Variants in PPP2R3A observed in about 807,000 individuals in gnomAD.
PPP2R3A encodes the protein serine/threonine-protein phosphatase 2A regulatory subunit B'' subunit alpha.
In PPP2R3A, 80 loss-of-function variants were observed where a neutral mutation model predicts 106.9. The observed-to-expected ratio is 0.75, with a 90% CI of 0.62 to 0.90. The LOEUF is 0.90. PPP2R3A is among the 40% of genes least tolerant of loss of function. PPP2R3A has a pLI of 0.00. For missense variants in PPP2R3A, 1,386 were observed against 1,350.4 expected (o/e 1.03, Z -0.41); for synonymous variants, 483 against 468.3 (o/e 1.03, Z -0.41).
rs762045451 is a variant in PPP2R3A at position 136,002,189 on chromosome 3, A to G, written c.691A>G (p.Met231Val). ...TTTTTCTTCTGGGACAGACATAAAGATGTGCTTGGACATCTTATTGAAATG... is the reference window on the plus strand; with the variant it reads ...TTTTTCTTCTGGGACAGACATAAAGGTGTGCTTGGACATCTTATTGAAATG... ...DNFSSGTDIKMCLDILLKCSE... is the reference protein window; with the variant it reads ...DNFSSGTDIKVCLDILLKCSE... Residue 231 changes from methionine to valine, a missense_variant, in exon 2 of 14, where the codon ATG becomes GTG. Transcript: ENST00000264977. 37 of 1,613,434 alleles carry G rather than the reference A, an allele frequency of 2.3e-5. No individual in the cohort carries two copies. Among genetic ancestry groups the G allele is most frequent in the Non-Finnish European group, 3.4e-6 (4 of 1,179,804 alleles).
chr3:136,003,399 A>T lies in PPP2R3A; in HGVS notation c.1901A>T (p.Gln634Leu). Reference protein sequence around the residue: ...ILQETLTTSSQANLSVCRSPV... With the variant: ...ILQETLTTSSLANLSVCRSPV... ...CAGGAAACCTTGACAACTTCCTCCC[A>T]GGCCAATTTATCAGTCTGTAGAAGT... Residue 634 changes from glutamine (Q) to leucine (L), a missense_variant, in exon 2 of 14, where the codon CAG becomes CTG. Transcript: ENST00000264977. The T allele has an allele frequency of 6.2e-7, 1 of 1,614,008 alleles. No homozygotes were observed. Among genetic ancestry groups the T allele is most frequent in the East Asian group, 2.2e-5 (1 of 44,862 alleles).
intron 10 of PPP2R3A, among the ~76,000 whole-genome samples, chr3:136,099,917 TA>T (rs553102059): frequency 0.061 from 7,665 of 125,132 alleles, 245 homozygotes; most frequent in Non-Finnish European, 0.086. Flanking sequence ...TAACAGTTCT[TA>T]AAAAAAAAAA....
intron 7 of PPP2R3A, among the ~76,000 whole-genome samples, chr3:136,081,558 A>T (rs1005360539): frequency 6.6e-6 from 1 of 151,916 alleles, no homozygotes; most frequent in African/African-American, 2.4e-5. Flanking sequence ...ATTTTTTTAT[A>T]TTTCTTACAT....
intron 6 of PPP2R3A, among the ~76,000 whole-genome samples, chr3:136,071,022 C>T (rs532230685): frequency 6.6e-6 from 1 of 152,342 alleles, no homozygotes; most frequent in Admixed American, 6.5e-5. Flanking sequence ...TTGTGAGGAG[C>T]TCGCACTCCC....
chr3:136,137,411 C>T (rs543803695), intron 13 of PPP2R3A, among the ~76,000 whole-genome samples: 5 of 152,048 alleles, frequency 3.3e-5, no homozygotes, highest in African/African-American at 1.2e-4. Flanking sequence ...TGTTCTCAAG[C>T]AGTAACTCAC....
chr3:135,967,952 C>A (rs928382508), intron 1 of PPP2R3A, among the ~76,000 whole-genome samples: 13 of 152,208 alleles, frequency 8.5e-5, no homozygotes, highest in African/African-American at 2.9e-4. Context: ...ACTCCACACA[C>A]ACAGTTGTGA....
chr3:136,107,911 G>A (rs1335863636), intron 13 of PPP2R3A, among the ~76,000 whole-genome samples: 3 of 152,184 alleles, frequency 2.0e-5, no homozygotes, highest in Non-Finnish European at 4.4e-5. Context: ...CAATGCTGCA[G>A]TTAAGAATAT....
At chr3:135,989,854 T>C (rs918461783) in intron 1 of PPP2R3A, among the ~76,000 whole-genome samples, 4 of 152,182 alleles carry the variant, frequency 2.6e-5, no homozygotes, top group African/African-American at 9.6e-5. Flanking sequence ...GGCAATAAAC[T>C]ATAATCTTAC....
chr3:135,968,459 G>A (rs1398589098), intron 1 of PPP2R3A, among the ~76,000 whole-genome samples: 1 of 152,182 alleles, frequency 6.6e-6, no homozygotes, highest in Non-Finnish European at 1.5e-5. Flanking sequence ...CGGGCAGAAG[G>A]AACAGATGTG....
Position 136,115,725 on chromosome 3 carries a change from T to A in PPP2R3A, c.3329+9403T>A, listed in dbSNP as rs570429893. Among the ~76,000 whole-genome samples, 7 of 151,826 alleles carry A rather than the reference T, an allele frequency of 4.6e-5. No homozygotes were observed. The South Asian group carries it at 1.3e-3, about 27-fold the overall frequency. On this transcript the variant is annotated intron_variant, in intron 13 of 13. Coordinates refer to ENST00000264977, the MANE Select transcript of PPP2R3A (RefSeq NM_002718.5). ...AGAATGAAAAGGAACGAACAAAGTC[T>A]CCAAGAAATATGGGACTATGTGAAA...
chr3:136,058,768 T>A (rs947713558), intron 5 of PPP2R3A, among the ~76,000 whole-genome samples: 1 of 151,982 alleles, frequency 6.6e-6, no homozygotes, highest in Non-Finnish European at 1.5e-5. Context: ...GCTACAAGGC[T>A]ACACAGTGTG....
At chr3:136,056,486 A>T (rs912640434) in intron 5 of PPP2R3A, among the ~76,000 whole-genome samples, 6 of 25,032 alleles carry the variant, frequency 2.4e-4, no homozygotes, top group African/African-American at 9.6e-4. Context: ...TATTCTAAAA[A>T]AAAAAAACCA....
intron 3 of PPP2R3A, among the ~76,000 whole-genome samples, chr3:136,032,550 C>T (rs996710895): frequency 6.1e-5 from 9 of 148,720 alleles, no homozygotes; most frequent in East Asian, 2.0e-4. Context: ...TTTCCTGAGA[C>T]GGAGTCTCGC....
intron 8 of PPP2R3A, among the ~76,000 whole-genome samples, chr3:136,084,657 A>G (rs537605182): frequency 2.0e-5 from 3 of 152,354 alleles, no homozygotes; most frequent in East Asian, 3.9e-4. Context: ...ATGCCAGCCC[A>G]TGAAAGCAGC....
At chr3:135,990,780 A>G (rs1007152252) in intron 1 of PPP2R3A, among the ~76,000 whole-genome samples, 2 of 151,918 alleles carry the variant, frequency 1.3e-5, no homozygotes, top group Admixed American at 6.6e-5. Flanking sequence ...GAGGCCTTCT[A>G]CCTGGCCTAC....
intron 12 of PPP2R3A, among the ~76,000 whole-genome samples, chr3:136,104,105 C>A (rs922583805): frequency 1.3e-5 from 2 of 152,120 alleles, no homozygotes; most frequent in African/African-American, 4.8e-5. Context: ...TCTGCATGTT[C>A]CATAACTGTT....
chr3:136,047,138 C>T (rs146485535), intron 4 of PPP2R3A, among the ~76,000 whole-genome samples: 16 of 152,216 alleles, frequency 1.1e-4, no homozygotes, highest in African/African-American at 3.9e-4. Context: ...AGAGAAGGAG[C>T]GAGAGTACGC....
intron 13 of PPP2R3A, among the ~76,000 whole-genome samples, chr3:136,138,357 T>C (rs1233865551): frequency 6.6e-6 from 1 of 152,210 alleles, no homozygotes; most frequent in Non-Finnish European, 1.5e-5. Context: ...TTATGCTGTC[T>C]ACATCCACAA....
chr3:136,145,270 C>G lies in PPP2R3A; in HGVS notation c.*104C>G. ...TGCTTTTTAAAGACTTTGATTTCTCCAAGTGTGTATCATCTGCACTAGGAA... is the reference window on the plus strand; with the variant it reads ...TGCTTTTTAAAGACTTTGATTTCTCGAAGTGTGTATCATCTGCACTAGGAA... On this transcript the variant is annotated 3_prime_UTR_variant, in exon 14 of 14. Coordinates refer to ENST00000264977, the MANE Select transcript of PPP2R3A (RefSeq NM_002718.5). 1.5e-6 allele frequency: 2 copies of G among 1,372,610 alleles called. No homozygotes were observed. Among genetic ancestry groups the G allele is most frequent in the African/African-American group, 1.5e-5 (1 of 67,982 alleles). The allele number at this position is 1,372,610 out of a possible 1,614,324, so 85.0% of individuals were successfully genotyped here. A position where few individuals can be genotyped will look rare whatever the true frequency, so the allele number is the denominator to read the frequency against.
Sources: allele counts gnomAD v4.1 joint callset (sites outside exome capture counted in the v4.1 genomes callset), GRCh38; gene constraint gnomAD v4.1.1; transcripts MANE v1.5; gene names NCBI Gene and HGNC (gene_info 2026-07-23, HGNC 2026-07-21).